Variants in PALB2 observed in about 807,000 individuals in gnomAD.
PALB2 encodes the protein partner and localizer of BRCA2.
Under a neutral mutation model 107.4 loss-of-function variants are expected in PALB2, and 82 were observed. The ratio of observed to expected loss-of-function variants is 0.76; its 90% CI spans 0.64 to 0.92. The LOEUF is 0.92. Among genes scored for constraint, PALB2 ranks in the 40% least tolerant of loss-of-function variants. The pLI is 0.00. For synonymous variants in PALB2, 489 were observed against 496.8 expected (o/e 0.98, Z 0.21); for missense variants, 1,374 against 1,379.9 (o/e 1.00, Z 0.07).
Position 23,640,960 on chromosome 16 carries a change from T to C in PALB2, c.48+150A>G, listed in dbSNP as rs772508573. 1.4e-4 allele frequency: 122 copies of C among 859,574 alleles called. No individual in the cohort carries two copies. The Admixed American group carries it at 3.1e-3, about 22-fold the overall frequency. 53.2% of individuals were successfully genotyped at this position (859,574 alleles called of 1,614,324 possible). A position where few individuals can be genotyped will look rare whatever the true frequency, so the allele number is the denominator to read the frequency against. ...ACGTGAGCACCACGCTATTTCCACA[T>C]TTTCATTTTCTGTGCCCCCTCAGCC... On this transcript the variant is annotated intron_variant, in intron 1 of 12. Transcript: ENST00000261584.
chr16:23,615,733 C>T (rs566724694), intron 10 of PALB2, among the ~76,000 whole-genome samples: 52 of 152,110 alleles, frequency 3.4e-4, no homozygotes, highest in African/African-American at 8.2e-4. Flanking sequence ...GGCACAGCCT[C>T]GGCTCACTGC....
chr16:23,610,033 TG>T (rs1336306245), intron 11 of PALB2, among the ~76,000 whole-genome samples: 3 of 152,176 alleles, frequency 2.0e-5, no homozygotes, highest in Non-Finnish European at 4.4e-5. Context: ...GATTTTGAAA[TG>T]GCTGAAAAAC....
At chr16:23,609,575 T>A (rs1966545840) in intron 11 of PALB2, among the ~76,000 whole-genome samples, 4 of 152,128 alleles carry the variant, frequency 2.6e-5, no homozygotes, top group African/African-American at 9.7e-5. Context: ...TGGCGTGCAG[T>A]GGTGCGATGT....
intron 10 of PALB2, 141 bp downstream of exon 10, chr16:23,621,221 A>C (rs1966765213): frequency 2.8e-6 from 2 of 707,544 alleles, no homozygotes; most frequent in Non-Finnish European, 5.0e-6. Flanking sequence ...AAACACAACA[A>C]AAACAACAAC....
At chr16:23,640,820 T>C (rs778167660) in intron 1 of PALB2, 29 of 370,184 alleles carry the variant, frequency 7.8e-5, no homozygotes, top group Non-Finnish European at 1.2e-4. Context: ...GAAGTAAAGA[T>C]TGAGGGTGTG....
intron 10 of PALB2, among the ~76,000 whole-genome samples, chr16:23,614,377 G>A (rs747484684): frequency 1.4e-4 from 22 of 152,102 alleles, no homozygotes; most frequent in Non-Finnish European, 1.0e-4. Flanking sequence ...ACCTGGTATT[G>A]AAATCAGGCA....
At chr16:23,616,841 G>A (rs1429597647) in intron 10 of PALB2, among the ~76,000 whole-genome samples, 1 of 150,474 alleles carries the variant, frequency 6.6e-6, no homozygotes, top group Non-Finnish European at 1.5e-5. Context: ...TTGAGACGGA[G>A]TCTCATTGTC....
At position 23,636,238 on chromosome 16, in the gene PALB2, C is replaced by T. The variant is rs876660794; in HGVS notation, c.308G>A (p.Gly103Glu). 1.2e-6 allele frequency: 2 copies of T among 1,613,598 alleles called. No homozygotes were observed. The highest frequency in any genetic ancestry group is 8.5e-7 in the Non-Finnish European group (1 of 1,179,946). The change falls in exon 4 of 13, where the codon GGG becomes GAG. Residue 103 changes from glycine (G) to glutamate (E), a missense_variant. Transcript: ENST00000261584. ...GEKTSITLDV[G>E]PESFNPGDGP... is the part of the protein sequence containing the mutation. ...ATCTCCAGGGTTAAAGGACTCAGGCCCAACATCAAGTGTGATAGATGTCTT... is the reference window on the plus strand; with the variant it reads ...ATCTCCAGGGTTAAAGGACTCAGGCTCAACATCAAGTGTGATAGATGTCTT...
intron 12 of PALB2, 120 bp from the exon 13 acceptor site, chr16:23,603,789 T>C (rs1966410981): frequency 8.3e-6 from 7 of 845,672 alleles, no homozygotes; most frequent in Middle Eastern, 2.9e-4. Flanking sequence ...CCTGTAACTA[T>C]GAATGCCTAC....
rs767284930 is a variant in PALB2 at position 23,635,421 on chromosome 16, T to G, written c.1125A>C (p.Leu375=). 1 of 1,613,988 alleles carries G rather than the reference T, an allele frequency of 6.2e-7. No individual in the cohort carries two copies. The highest frequency in any genetic ancestry group is 8.5e-7 in the Non-Finnish European group (1 of 1,179,860). The change falls in exon 4 of 13, where the codon CTA becomes CTC. Residue 375 remains leucine (L), a synonymous_variant. Transcript: ENST00000261584. The part of the protein sequence containing the change: ...RNENLQESEI[L]SQPKSLSLEA... Reference sequence around the variant, plus strand: ...CCAGGCTAAGACTCTTAGGTTGACTTAGAATCTCACTTTCCTGAAGATTTT... The same window carrying G: ...CCAGGCTAAGACTCTTAGGTTGACTGAGAATCTCACTTTCCTGAAGATTTT...
chr16:23,609,759 G>A (rs910610156), intron 11 of PALB2, among the ~76,000 whole-genome samples: 6 of 152,044 alleles, frequency 3.9e-5, no homozygotes, highest in South Asian at 2.1e-4. Flanking sequence ...CTCATGATCC[G>A]CCCGCCTTAG....
Position 23,636,568 on chromosome 16 carries a change from A to G in PALB2, c.212-234T>C, listed in dbSNP as rs144476824. Among the ~76,000 whole-genome samples, 47 of 152,264 alleles carry G rather than the reference A, an allele frequency of 3.1e-4. 1 individual carries two copies. Among genetic ancestry groups the G allele is most frequent in the Middle Eastern group, 6.8e-3 (2 of 292 alleles). On this transcript the variant is annotated intron_variant, in intron 3 of 12. Coordinates refer to ENST00000261584, the MANE Select transcript of PALB2 (RefSeq NM_024675.4). ...TGTGTTCAAGGTGTTGACTACTTCT[A>G]CTATCTGATGGAGTATGTAAAGGAA...
intron 4 of PALB2, among the ~76,000 whole-genome samples, chr16:23,633,067 C>G (rs576697072): frequency 6.6e-6 from 1 of 151,790 alleles, no homozygotes; most frequent in African/African-American, 2.4e-5. Context: ...GCACCCTATC[C>G]GGGGCGACAA....
In PALB2 at chr16:23,635,065, G is replaced by A. The variant is rs587782368; in HGVS notation, c.1481C>T (p.Thr494Ile). The A allele has an allele frequency of 6.2e-7, 1 of 1,614,162 alleles. No homozygotes were observed. Among genetic ancestry groups the A allele is most frequent in the Non-Finnish European group, 8.5e-7 (1 of 1,180,028 alleles). Residue 494 changes from threonine (T) to isoleucine (I), a missense_variant, in exon 4 of 13, where the codon ACT (threonine) becomes ATT (isoleucine). By Grantham distance (89) the Thr-to-Ile change is moderately conservative. Transcript: ENST00000261584. ...CTTCCTAGACAAGTCATTATCTTCA[G>A]TGGGCCCAGCGGGAGAGCTGACTTT... ...LTKVSSPAGP[T>I]EDNDLSRKAV... is the part of the protein sequence containing the mutation.
In PALB2 at chr16:23,630,186, T is replaced by A. The variant is rs756275403; in HGVS notation, c.1968A>T (p.Pro656=). The A allele has an allele frequency of 6.2e-7, 1 of 1,614,208 alleles. No individual in the cohort carries two copies. The highest frequency in any genetic ancestry group is 2.2e-5 in the East Asian group (1 of 44,892). Residue 656 remains proline (P), a synonymous_variant, in exon 5 of 13, where the codon CCA becomes CCT. Coordinates refer to ENST00000261584, the MANE Select transcript of PALB2 (RefSeq NM_024675.4). ...CCATGCGTTTAGGACTCAGTTCCTC[T>A]GGAAAAATACAGCTTCCCTCTTTAA... is the stretch of plus-strand genomic sequence containing the variant. ...RHLKEGSCIF[P]EELSPKRMDT... is the part of the protein sequence containing the mutation.
chr16:23,627,216 G>A (rs903354236), intron 6 of PALB2, among the ~76,000 whole-genome samples: 2 of 151,926 alleles, frequency 1.3e-5, no homozygotes, highest in African/African-American at 4.8e-5. Context: ...GGCCGGGCGC[G>A]GTGGCTCACG....
intron 11 of PALB2, among the ~76,000 whole-genome samples, chr16:23,611,792 C>T (rs745911454): frequency 3.9e-5 from 6 of 152,106 alleles, no homozygotes; most frequent in Non-Finnish European, 8.8e-5. Context: ...CTCACTCTAT[C>T]GCCCAGGCTG....
intron 12 of PALB2, among the ~76,000 whole-genome samples, chr16:23,605,310 C>T (rs1177701618): frequency 6.6e-6 from 1 of 152,222 alleles, no homozygotes; most frequent in African/African-American, 2.4e-5. Flanking sequence ...CACTCTTGTG[C>T]TCTCAAACAG....
At chr16:23,617,355 GAT>G (rs1234351436) in intron 10 of PALB2, among the ~76,000 whole-genome samples, 2 of 152,000 alleles carry the variant, frequency 1.3e-5, no homozygotes, top group South Asian at 2.1e-4. Context: ...ACCAAGAATA[GAT>G]ATGAGACATG....
Sources: gnomAD v4.1 joint callset for allele counts (sites outside exome capture counted in the v4.1 genomes callset) on GRCh38, gnomAD v4.1.1 for gene constraint, MANE v1.5 for transcripts, NCBI Gene and HGNC (gene_info 2026-07-23, HGNC 2026-07-21) for gene names.